The following C16orf89 variants were observed in gnomAD, a reference collection of about 807,000 sequenced individuals.
C16orf89 encodes chromosome 16 open reading frame 89.
Under a neutral mutation model 41.5 loss-of-function variants are expected in C16orf89, and 57 were observed. The observed-to-expected ratio is 1.38, with a 90% CI of 1.11 to 1.71. The LOEUF (loss-of-function observed/expected upper bound fraction) is 1.71, where lower values mean the gene tolerates loss of function less well. Among genes scored for constraint, C16orf89 ranks in the 40% most tolerant of loss-of-function variants. The pLI is 0.00. For missense variants in C16orf89, 575 were observed against 445.9 expected, an observed-to-expected ratio of 1.29 and a Z score of -2.61; for synonymous variants, 223 against 190.6, an observed-to-expected ratio of 1.17 and a Z score of -1.40.
At chr16:5,054,533 G>C (rs952154308) in intron 6 of C16orf89, among the ~76,000 whole-genome samples, 2 of 152,168 alleles carry the variant, frequency 1.3e-5, no homozygotes, top group Non-Finnish European at 2.9e-5. Flanking sequence ...TTGTTTAGGT[G>C]ATTTATGTTT....
chr16:5,050,625 C>T (rs1041026035), intron 6 of C16orf89, among the ~76,000 whole-genome samples: 2 of 151,982 alleles, frequency 1.3e-5, no homozygotes, highest in Non-Finnish European at 2.9e-5. Context: ...AAAATTTTCC[C>T]AACTCATTCT....
At chr16:5,055,139 T>A in intron 6 of C16orf89, 107 bp downstream of exon 6, 1 of 976,316 alleles carries the variant, frequency 1.0e-6, no homozygotes. Context: ...TACAAATCCC[T>A]TGGCAACCTT....
At position 5,052,050 on chromosome 16, in the gene C16orf89, C is replaced by G. The variant is rs533852343; in HGVS notation, c.868+3196G>C. Among the ~76,000 whole-genome samples, 6 of 126,150 alleles carry G rather than the reference C, an allele frequency of 4.8e-5. No homozygotes were observed. The South Asian group carries it at 1.2e-3, about 26-fold the overall frequency. The allele number at this position is 126,150 out of a possible 152,430, so 82.8% of individuals were successfully genotyped here. ...CCCGAGAGGTGGAGGTTGCAGTGAG[C>G]AAGACTGTGCTACGGCACACCATCC... On this transcript the variant is annotated intron_variant, in intron 6 of 7. Coordinates refer to ENST00000472572, the MANE Select transcript of C16orf89 (RefSeq NM_001098514.3).
At chr16:5,065,591 C>G in intron 1 of C16orf89, 110 bp downstream of exon 1, 1 of 1,280,900 alleles carries the variant, frequency 7.8e-7, no homozygotes. Flanking sequence ...CCGAGGCAGG[C>G]TATACTGGGG....
At chr16:5,057,458 A>T (rs920757707) in intron 4 of C16orf89, among the ~76,000 whole-genome samples, 2 of 148,212 alleles carry the variant, frequency 1.3e-5, no homozygotes, top group African/African-American at 4.9e-5. Context: ...AAAGAAAAGA[A>T]ATATATATAC....
At chr16:5,049,669 A>AGG (rs1956362393) in intron 6 of C16orf89, among the ~76,000 whole-genome samples, 3 of 152,210 alleles carry the variant, frequency 2.0e-5, no homozygotes, top group Admixed American at 2.0e-4. Flanking sequence ...AAATAGAAAC[A>AGG]CAATATGCCA....
chr16:5,044,174 CCCACCTACCCTGGCCT>C lies in C16orf89; in HGVS notation c.*158_*173del. On this transcript the variant is annotated 3_prime_UTR_variant, in exon 8 of 8. Transcript: ENST00000472572. ...GTTCACACCTGGGTCCCTCCCGGCCCCCACCTACCCTGGCCTTGCCTACTCAGGGCTTCCAAGATTG... is the reference window on the plus strand; with the variant it reads ...GTTCACACCTGGGTCCCTCCCGGCCCTGCCTACTCAGGGCTTCCAAGATTG... 6.6e-6 allele frequency: 9 copies of C among 1,368,048 alleles called. No homozygotes were observed. Among genetic ancestry groups the C allele is most frequent in the Non-Finnish European group, 8.4e-6 (9 of 1,065,424 alleles). The allele number at this position is 1,368,048 out of a possible 1,614,324, so 84.7% of individuals were successfully genotyped here. A position where few individuals can be genotyped will look rare whatever the true frequency, so the allele number is the denominator to read the frequency against.
chr16:5,049,447 G>A (rs1956358951), intron 6 of C16orf89, among the ~76,000 whole-genome samples: 1 of 152,134 alleles, frequency 6.6e-6, no homozygotes, highest in South Asian at 2.1e-4. Context: ...TAGACCATAT[G>A]TTAGGCCAAA....
chr16:5,044,116 C>G (rs545304117), downstream of C16orf89: 10 of 1,244,030 alleles, frequency 8.0e-6, no homozygotes, highest in Non-Finnish European at 1.0e-5. Context: ...AAGACTCAAC[C>G]CTGGGTCAGT....
intron 3 of C16orf89, among the ~76,000 whole-genome samples, chr16:5,059,859 A>T (rs1186364367): frequency 2.1e-5 from 3 of 142,070 alleles, no homozygotes; most frequent in Non-Finnish European, 3.1e-5. Flanking sequence ...TGGAGGTAGG[A>T]TGCTGGCGCC....
intron 4 of C16orf89, 94 bp downstream of exon 4, chr16:5,058,399 C>T (rs1336924715): frequency 2.2e-5 from 25 of 1,153,090 alleles, no homozygotes; most frequent in Middle Eastern, 2.9e-4. Context: ...TCCCAAAGTG[C>T]TTGGATTACA....
chr16:5,054,644 G>T lies in C16orf89; in HGVS notation c.868+602C>A, dbSNP rs1271488044. ...GCTGAATGAATGCTGATGTGGTTTG[G>T]CTGTGTCCCCACCCAAGTCTCATCT... On this transcript the variant is annotated intron_variant, in intron 6 of 7. Transcript: ENST00000472572. Among the ~76,000 whole-genome samples, 6 of 152,154 alleles carry T rather than the reference G, an allele frequency of 3.9e-5. No individual in the cohort carries two copies. The East Asian group carries it at 7.7e-4, about 20-fold the overall frequency.
chr16:5,065,679 A>G, intron 1 of C16orf89, 22 bp downstream of exon 1: 1 of 1,599,522 alleles, frequency 6.3e-7, no homozygotes, highest in South Asian at 1.1e-5. Context: ...GTGTCCAGCC[A>G]GAGGAATTGG....
Position 5,056,149 on chromosome 16 carries a change from A to G in C16orf89, c.667T>C (p.Tyr223His). ...TQGPLQQSQD[Y>H]INLFCANMMD... is the part of the protein sequence containing the mutation. Reference sequence around the variant, plus strand: ...ATGTTGGCGCAGAAGAGGTTGATATAGTCCTGGCTCTGTTGGAGTGGTCCC... The same window carrying G: ...ATGTTGGCGCAGAAGAGGTTGATATGGTCCTGGCTCTGTTGGAGTGGTCCC... Residue 223 changes from tyrosine (Y) to histidine (H), a missense_variant, in exon 5 of 8, where the codon TAT (tyrosine) becomes CAT (histidine). By Grantham distance (83) the Tyr-to-His change is moderately conservative. Transcript: ENST00000472572. The G allele has an allele frequency of 6.3e-7, 1 of 1,596,552 alleles. No individual in the cohort carries two copies. The highest frequency in any genetic ancestry group is 8.6e-7 in the Non-Finnish European group (1 of 1,165,120).
At chr16:5,055,984 TGTGTGTGTGTGTGTG>T in intron 5 of C16orf89, 54 bp downstream of exon 5, 1 of 1,043,482 alleles carries the variant, frequency 9.6e-7, no homozygotes. Flanking sequence ...TGTGTGTGTG[TGTGTGTGTGTGTGTG>T]TTGGTGGGGG....
intron 3 of C16orf89, among the ~76,000 whole-genome samples, chr16:5,058,986 T>C (rs1036571594): frequency 6.6e-6 from 1 of 152,108 alleles, no homozygotes; most frequent in Non-Finnish European, 1.5e-5. Context: ...ACACCTATAA[T>C]TCTAGCACTT....
At chr16:5,060,092 C>T (rs941090271) in intron 3 of C16orf89, 194 bp downstream of exon 3, 22 of 552,352 alleles carry the variant, frequency 4.0e-5, no homozygotes, top group African/African-American at 2.8e-4. Context: ...CATGGGAGGC[C>T]AGCGGGCGGC....
chr16:5,049,627 A>G (rs968069640), intron 6 of C16orf89, among the ~76,000 whole-genome samples: 3 of 152,232 alleles, frequency 2.0e-5, no homozygotes, highest in African/African-American at 7.2e-5. Context: ...AGAAATTAAG[A>G]TGAACATTTA....
In C16orf89 at chr16:5,044,371, G is replaced by T; in HGVS notation, c.1063C>A (p.Pro355Thr). ...TCTCAGCGGCTGCTTGGTGGTGGCG[G>T]TGTGGATGGGTGTGGCTCTCTGTTT... ...PANREPHPSTPPPPSSR is the reference protein window; with the variant it reads ...PANREPHPSTTPPPSSR Residue 355 changes from proline (P) to threonine (T), a missense_variant, in exon 8 of 8, where the codon CCG becomes ACG. Coordinates refer to ENST00000472572, the MANE Select transcript of C16orf89 (RefSeq NM_001098514.3). The T allele has an allele frequency of 6.2e-7, 1 of 1,609,680 alleles. No individual in the cohort carries two copies. Among genetic ancestry groups the T allele is most frequent in the Non-Finnish European group, 8.5e-7 (1 of 1,178,536 alleles).
Sources: allele counts gnomAD v4.1 joint callset (sites outside exome capture counted in the v4.1 genomes callset), GRCh38; gene constraint gnomAD v4.1.1; transcripts MANE v1.5; gene names NCBI Gene and HGNC (gene_info 2026-07-23, HGNC 2026-07-21).